Variants in SLAMF8 observed in about 807,000 individuals in gnomAD.
SLAMF8 encodes the protein B lymphocyte activator macrophage expressed.
SLAMF8 carries 23 observed loss-of-function variants against 29.0 expected under a neutral mutation model. The observed-to-expected ratio is 0.79, with a 90% CI of 0.57 to 1.13. The LOEUF (loss-of-function observed/expected upper bound fraction) is 1.13, where lower values mean the gene tolerates loss of function less well. Ranked by LOEUF, SLAMF8 falls within the 50% of genes most tolerant of loss-of-function variation. SLAMF8 has a pLI of 0.00. For synonymous variants in SLAMF8, 139 were observed against 145.6 expected (o/e 0.96, Z 0.32); for missense variants, 381 against 353.1 (o/e 1.08, Z -0.63).
chr1:159,832,873 C>A lies in SLAMF8; in HGVS notation c.368-3C>A. The A allele has an allele frequency of 1.9e-6, 3 of 1,611,372 alleles. No homozygotes were observed. Among genetic ancestry groups the A allele is most frequent in the Non-Finnish European group, 2.5e-6 (3 of 1,177,706 alleles). ...CCATACCAGCTGTACTTTTCTTTCC[C>A]AGATGCAGTGCCCAGGCCCGTGGTA... On this transcript the variant is annotated splice_region_variant and splice_polypyrimidine_tract_variant and intron_variant, in intron 2 of 4. Transcript: ENST00000289707.
rs141716092 is a variant in SLAMF8, at chr1:159,829,272, C to T, written c.41-594C>T. On this transcript the variant is annotated intron_variant, in intron 1 of 4. Coordinates refer to ENST00000289707, the MANE Select transcript of SLAMF8 (RefSeq NM_020125.3). ...GCTCCTGCTTAAAACCTACCTGAGA[C>T]GCCCCATTGCTCTACAGATAAAGCC... Among the ~76,000 whole-genome samples the T allele has an allele frequency of 3.2e-3, 480 of 152,302 alleles. 3 individuals carry two copies. Among genetic ancestry groups the T allele is most frequent in the Non-Finnish European group, 5.6e-3 (382 of 68,026 alleles).
chr1:159,828,844 CAG>C (rs1491256227), intron 1 of SLAMF8, among the ~76,000 whole-genome samples: 1 of 140,088 alleles, frequency 7.1e-6, no homozygotes, highest in Non-Finnish European at 1.7e-5. Context: ...GCAAAGGAGT[CAG>C]GGGGGCACTT....
rs910627085 is a variant in SLAMF8 at position 159,837,434 on chromosome 1, C to A, written c.*2174C>A. 5 of 396,852 alleles carry A rather than the reference C, an allele frequency of 1.3e-5. No homozygotes were observed. The highest frequency in any genetic ancestry group is 1.6e-4 in the East Asian group (1 of 6,222). 24.6% of individuals were successfully genotyped at this position (396,852 alleles called of 1,614,324 possible). Reference sequence around the variant, plus strand: ...TGGCACTTGGGAATCAGTAGTCAAGCGAAACCCTTGCCTTTGAGAGTTTAT... The same window carrying A: ...TGGCACTTGGGAATCAGTAGTCAAGAGAAACCCTTGCCTTTGAGAGTTTAT... On this transcript the variant is annotated 3_prime_UTR_variant, in exon 5 of 5. Coordinates refer to ENST00000289707, the MANE Select transcript of SLAMF8 (RefSeq NM_020125.3).
rs1379682851 is a variant in SLAMF8 at position 159,835,691 on chromosome 1, G to C, written c.*431G>C. On this transcript the variant is annotated 3_prime_UTR_variant, in exon 5 of 5. Coordinates refer to ENST00000289707, the MANE Select transcript of SLAMF8 (RefSeq NM_020125.3). The stretch of plus-strand genomic sequence containing the variant: ...GATATTACATATTTGAACTAATAGA[G>C]GAACTCTGAGTCACCCATGCCAGCA... 8 of 988,076 alleles carry C rather than the reference G, an allele frequency of 8.1e-6. No individual in the cohort carries two copies. Among genetic ancestry groups the C allele is most frequent in the Non-Finnish European group, 8.4e-6 (7 of 831,780 alleles). 61.2% of individuals were successfully genotyped at this position (988,076 alleles called of 1,614,324 possible).
chr1:159,835,587 C>T lies in SLAMF8; in HGVS notation c.*327C>T, dbSNP rs373908632. On this transcript the variant is annotated 3_prime_UTR_variant, in exon 5 of 5. Coordinates refer to ENST00000289707, the MANE Select transcript of SLAMF8 (RefSeq NM_020125.3). ...GGGACATTAATAGTCCAAGGCATTC[C>T]CTCCCCCACCACTATTCATAAAGTA... 43 of 1,076,074 alleles carry T rather than the reference C, an allele frequency of 4.0e-5. No homozygotes were observed. The highest frequency in any genetic ancestry group is 3.5e-4 in the South Asian group (9 of 25,468). 66.7% of individuals were successfully genotyped at this position (1,076,074 alleles called of 1,614,324 possible).
chr1:159,826,957 TAG>T lies in SLAMF8; in HGVS notation c.40+20_40+21del. 6.2e-7 allele frequency: 1 copy of T among 1,614,002 alleles called. No individual in the cohort carries two copies. The highest frequency in any genetic ancestry group is 1.1e-5 in the South Asian group (1 of 91,078). On this transcript the variant is annotated intron_variant, in intron 1 of 4. Coordinates refer to ENST00000289707, the MANE Select transcript of SLAMF8 (RefSeq NM_020125.3). ...TGGGAAGGTAAGTGGGGCAGGCAGA[TAG>T]CCTGTCCTCGGAGAGCTGAAGGCCC... is the stretch of plus-strand genomic sequence containing the variant.
rs1282284917 is a variant in SLAMF8, at chr1:159,833,162, T to C, written c.654T>C (p.Asp218=). ...SWDLATVTPW[D]SCHHEAAPGK... ...ACTTGGCCACAGTCACGCCCTGGGA[T>C]AGCTGTCATCATGAGGCAGGTATGC... The change falls in exon 3 of 5, where the codon GAT becomes GAC. Residue 218 remains aspartate, a synonymous_variant. Coordinates refer to ENST00000289707, the MANE Select transcript of SLAMF8 (RefSeq NM_020125.3). 1 of 1,614,086 alleles carries C rather than the reference T, an allele frequency of 6.2e-7. No homozygotes were observed. Among genetic ancestry groups the C allele is most frequent in the Non-Finnish European group, 8.5e-7 (1 of 1,179,982 alleles).
rs764927476 is a variant in SLAMF8 at position 159,830,074 on chromosome 1, C to T, written c.249C>T (p.His83=). The stretch of plus-strand genomic sequence containing the variant: ...GCTTCCTGGGCCGAGCCCAGCTACA[C>T]AGCAACCTCAGCCTGGAGCTCGGGC... ...HSRFLGRAQL[H]SNLSLELGPL... The change falls in exon 2 of 5, where the codon CAC becomes CAT. Residue 83 remains histidine, a synonymous_variant. Coordinates refer to ENST00000289707, the MANE Select transcript of SLAMF8 (RefSeq NM_020125.3). The T allele has an allele frequency of 6.2e-7, 1 of 1,614,242 alleles. No individual in the cohort carries two copies. Among genetic ancestry groups the T allele is most frequent in the Non-Finnish European group, 8.5e-7 (1 of 1,180,044 alleles).
Position 159,837,389 on chromosome 1 carries a change from C to A in SLAMF8, c.*2129C>A. ...CAACAAATATTGATTGAGGGCGCTGCATGTGCTGGGTACATTTCTTGGCAC... is the reference window on the plus strand; with the variant it reads ...CAACAAATATTGATTGAGGGCGCTGAATGTGCTGGGTACATTTCTTGGCAC... On this transcript the variant is annotated 3_prime_UTR_variant, in exon 5 of 5. Transcript: ENST00000289707. 6 of 844,820 alleles carry A rather than the reference C, an allele frequency of 7.1e-6. No individual in the cohort carries two copies. The highest frequency in any genetic ancestry group is 8.6e-6 in the Non-Finnish European group (6 of 701,680). 52.3% of individuals were successfully genotyped at this position (844,820 alleles called of 1,614,324 possible). A position where few individuals can be genotyped will look rare whatever the true frequency, so the allele number is the denominator to read the frequency against.
intron 2 of SLAMF8, 36 bp downstream of exon 2, chr1:159,830,228 C>T (rs750508018): frequency 6.5e-7 from 1 of 1,529,360 alleles, no homozygotes; most frequent in Non-Finnish European, 8.8e-7. Context: ...TGGCCCTCTT[C>T]CCCCACAAAG....
Position 159,832,766 on chromosome 1 carries a change from G to C in SLAMF8, c.368-110G>C, listed in dbSNP as rs1168071662. On this transcript the variant is annotated intron_variant, in intron 2 of 4. Transcript: ENST00000289707. Reference sequence around the variant, plus strand: ...AAAGCCAGACAAGATTTTGGAACAAGAGAGGCCTAGCCAGAGGTGGCATCT... The same window carrying C: ...AAAGCCAGACAAGATTTTGGAACAACAGAGGCCTAGCCAGAGGTGGCATCT... 56 of 1,235,926 alleles carry C rather than the reference G, an allele frequency of 4.5e-5. 1 individual carries two copies. The South Asian group carries it at 7.8e-4, about 17-fold the overall frequency. The allele number at this position is 1,235,926 out of a possible 1,614,324, so 76.6% of individuals were successfully genotyped here. A position where few individuals can be genotyped will look rare whatever the true frequency, so the allele number is the denominator to read the frequency against.
intron 1 of SLAMF8, among the ~76,000 whole-genome samples, chr1:159,827,597 T>C (rs1213153926): frequency 6.6e-6 from 1 of 152,072 alleles, no homozygotes; most frequent in Non-Finnish European, 1.5e-5. Context: ...ATGACATGGG[T>C]CAACACTGCC....
intron 2 of SLAMF8, among the ~76,000 whole-genome samples, chr1:159,831,535 C>T (rs1262558233): frequency 1.3e-5 from 2 of 151,772 alleles, no homozygotes; most frequent in African/African-American, 2.4e-5. Flanking sequence ...ATACAGGCAG[C>T]CCTGGAGCCC....
At chr1:159,831,365 G>A (rs2501341) in intron 2 of SLAMF8, among the ~76,000 whole-genome samples, 91,474 of 151,460 alleles carry the variant, frequency 0.6, 27,670 homozygotes, top group South Asian at 0.66. Context: ...TCAGGGTGCC[G>A]ATGCAATTGC....
At chr1:159,833,789 G>A (rs1001321479) in intron 4 of SLAMF8, among the ~76,000 whole-genome samples, 1 of 151,212 alleles carries the variant, frequency 6.6e-6, no homozygotes, top group African/African-American at 2.4e-5. Context: ...CCCAATCAGA[G>A]AACTACTTAC....
intron 2 of SLAMF8, among the ~76,000 whole-genome samples, chr1:159,831,551 C>G (rs1008037329): frequency 1.3e-5 from 2 of 152,016 alleles, no homozygotes; most frequent in African/African-American, 4.8e-5. Context: ...AGCCCCTCCT[C>G]TGATCTGAGT....
chr1:159,827,068 A>G, intron 1 of SLAMF8, 130 bp downstream of exon 1: 1 of 1,103,632 alleles, frequency 9.1e-7, no homozygotes, highest in South Asian at 1.4e-5. Context: ...GGTAGGAAAG[A>G]CTAGAACAAG....
chr1:159,827,897 C>G (rs984148362), intron 1 of SLAMF8, among the ~76,000 whole-genome samples: 11 of 151,764 alleles, frequency 7.2e-5, no homozygotes, highest in Admixed American at 3.9e-4. Flanking sequence ...TGCAATGGTG[C>G]ATCTCAGCTC....
At position 159,830,338 on chromosome 1, in the gene SLAMF8, T is replaced by C. The variant is rs147273811; in HGVS notation, c.367+146T>C. 4.4e-4 allele frequency: 387 copies of C among 871,934 alleles called. No homozygotes were observed. The Middle Eastern group carries it at 5.4e-3, about 12-fold the overall frequency. The allele number at this position is 871,934 out of a possible 1,614,324, so 54.0% of individuals were successfully genotyped here. On this transcript the variant is annotated intron_variant, in intron 2 of 4. Coordinates refer to ENST00000289707, the MANE Select transcript of SLAMF8 (RefSeq NM_020125.3). Reference sequence around the variant, plus strand: ...GCCGACTCAGGGAACAGCTGCTCCCTGGCAGTCACGTCTAAGAAAATTCCT... The same window carrying C: ...GCCGACTCAGGGAACAGCTGCTCCCCGGCAGTCACGTCTAAGAAAATTCCT...
Sources: allele counts gnomAD v4.1 joint callset (sites outside exome capture counted in the v4.1 genomes callset), GRCh38; gene constraint gnomAD v4.1.1; transcripts MANE v1.5; gene names NCBI Gene and HGNC (gene_info 2026-07-23, HGNC 2026-07-21).